The following ACYP2 variants were observed in gnomAD, a reference collection of about 807,000 sequenced individuals.
ACYP2 encodes the protein acylphosphatase-2.
ACYP2 carries 12 observed loss-of-function variants against 11.2 expected under a neutral mutation model. That is an observed-to-expected ratio of 1.08 (90% confidence interval 0.69 to 1.74). The LOEUF is 1.74. Ranked by LOEUF, ACYP2 falls within the 40% of genes most tolerant of loss-of-function variation. The pLI, the probability that ACYP2 is intolerant of heterozygous loss-of-function variation, is 0.00. For missense variants in ACYP2, 134 were observed against 101.9 expected (o/e 1.31, Z -1.35); for synonymous variants, 43 against 32.2 (o/e 1.33, Z -1.13).
intron 2 of ACYP2, among the ~76,000 whole-genome samples, chr2:54,030,925 A>C (rs1486565009): frequency 6.6e-6 from 1 of 152,182 alleles, no homozygotes; most frequent in Non-Finnish European, 1.5e-5. Flanking sequence ...TTCATTATGA[A>C]GGTCAGATCT....
chr2:54,026,752 T>C (rs547326485), intron 2 of ACYP2, among the ~76,000 whole-genome samples: 25 of 152,318 alleles, frequency 1.6e-4, no homozygotes, highest in Admixed American at 4.6e-4. Flanking sequence ...TAATGGCATT[T>C]GCAGCAACCT....
chr2:54,201,668 TTCTTTCTTTCTTTCTCTCTCTCTCTCTC>T (rs1684828492), intron 6 of ACYP2, among the ~76,000 whole-genome samples: 1 of 109,918 alleles, frequency 9.1e-6, no homozygotes, highest in African/African-American at 3.5e-5. Context: ...CTTTCTTTCT[TTCTTTCTTTCTTTCTCTCTCTCTCTCTC>T]TCTTTTTTCT....
intron 2 of ACYP2, among the ~76,000 whole-genome samples, chr2:54,038,226 T>C (rs1230283520): frequency 6.6e-6 from 1 of 152,210 alleles, no homozygotes; most frequent in Non-Finnish European, 1.5e-5. Flanking sequence ...CCCTTATTTT[T>C]GGCCTGGTAG....
Position 54,261,087 on chromosome 2 carries a change from A to G in ACYP2, c.405-43601A>G, listed in dbSNP as rs536104967. Among the ~76,000 whole-genome samples, 11 of 152,308 alleles carry G rather than the reference A, an allele frequency of 7.2e-5. No individual in the cohort carries two copies. The South Asian group carries it at 2.3e-3, about 32-fold the overall frequency. On this transcript the variant is annotated intron_variant, in intron 6 of 6. Transcript: ENST00000607452. ...TCTTAATGTCACAGACCCTGGTATTATACATCTCCCCAAGGGTACACATAC... is the reference window on the plus strand; with the variant it reads ...TCTTAATGTCACAGACCCTGGTATTGTACATCTCCCCAAGGGTACACATAC...
chr2:54,061,545 G>T (rs960409747), intron 4 of ACYP2, among the ~76,000 whole-genome samples: 1 of 152,152 alleles, frequency 6.6e-6, no homozygotes, highest in African/African-American at 2.4e-5. Flanking sequence ...ACCAGCCTGG[G>T]TCCTTTGTTG....
rs573137716 is a variant in ACYP2 at position 53,973,855 on chromosome 2, ATGTGTGTGTGTGTGTGTGTGTG to A, written c.62+71_62+92del. 2.7e-4 allele frequency: 33 copies of A among 124,442 alleles called. 1 individual carries two copies. Among genetic ancestry groups the A allele is most frequent in the East Asian group, 6.9e-4 (4 of 5,806 alleles). The allele number at this position is 124,442 out of a possible 1,614,324, so 7.7% of individuals were successfully genotyped here. A position where few individuals can be genotyped will look rare whatever the true frequency, so the allele number is the denominator to read the frequency against. ...GGATTTTTGAATGTGGGATATATAT[ATGTGTGTGTGTGTGTGTGTGTG>A]TGTGTGTGTGTGTGTGTGTGTGTGT... On this transcript the variant is annotated intron_variant, in intron 2 of 6. Coordinates refer to ENST00000607452, the MANE Select transcript of ACYP2 (RefSeq NM_001320586.2).
intron 4 of ACYP2, among the ~76,000 whole-genome samples, chr2:54,118,703 C>T (rs746340797): frequency 7.9e-5 from 12 of 152,240 alleles, no homozygotes; most frequent in Non-Finnish European, 1.3e-4. Flanking sequence ...AAAAGAGAAA[C>T]GTACTATACA....
At chr2:54,213,360 T>A (rs1197996360) in intron 6 of ACYP2, among the ~76,000 whole-genome samples, 1 of 152,180 alleles carries the variant, frequency 6.6e-6, no homozygotes, top group Non-Finnish European at 1.5e-5. Context: ...TCTAGATGGA[T>A]TCCATGTCTT....
intron 6 of ACYP2, among the ~76,000 whole-genome samples, chr2:54,220,043 G>C (rs1685739035): frequency 6.6e-6 from 1 of 151,010 alleles, no homozygotes; most frequent in South Asian, 2.1e-4. Flanking sequence ...GCCTGGCCAA[G>C]TTCAAAACAC....
chr2:54,117,472 T>A (rs574692500), intron 4 of ACYP2, among the ~76,000 whole-genome samples: 2,173 of 152,178 alleles, frequency 0.014, 44 homozygotes, highest in African/African-American at 0.047. Context: ...TTTTTAAAAT[T>A]TTTTTGTAGA....
At chr2:54,141,414 C>T (rs1411010235) in intron 6 of ACYP2, among the ~76,000 whole-genome samples, 4 of 152,082 alleles carry the variant, frequency 2.6e-5, no homozygotes, top group African/African-American at 9.7e-5. Context: ...GCATTTACTC[C>T]ATCTGGAATT....
intron 2 of ACYP2, among the ~76,000 whole-genome samples, chr2:53,976,171 T>C (rs1671475127): frequency 6.6e-6 from 1 of 152,232 alleles, no homozygotes; most frequent in Non-Finnish European, 1.5e-5. Flanking sequence ...GGGCTAGAGA[T>C]ATATTGGCAA....
chr2:54,152,212 G>A (rs1682213298), intron 6 of ACYP2, among the ~76,000 whole-genome samples: 1 of 149,456 alleles, frequency 6.7e-6, no homozygotes, highest in South Asian at 2.1e-4. Flanking sequence ...TGGACTCCTG[G>A]GCTCAAGTGA....
intron 6 of ACYP2, among the ~76,000 whole-genome samples, chr2:54,170,235 C>T (rs1683167451): frequency 6.6e-6 from 1 of 152,178 alleles, no homozygotes; most frequent in Non-Finnish European, 1.5e-5. Flanking sequence ...TCACTGCAAC[C>T]TCCACCTCTT....
chr2:54,271,313 T>G (rs960448604), intron 6 of ACYP2, among the ~76,000 whole-genome samples: 16 of 152,232 alleles, frequency 1.1e-4, no homozygotes, highest in African/African-American at 3.9e-4. Context: ...TCAGTACTCA[T>G]GTGGCCAGAG....
intron 2 of ACYP2, among the ~76,000 whole-genome samples, chr2:54,027,543 G>C (rs1344153864): frequency 6.6e-6 from 1 of 152,078 alleles, no homozygotes. Flanking sequence ...GTTTCTGAAA[G>C]CTCTCATGTC....
intron 6 of ACYP2, among the ~76,000 whole-genome samples, chr2:54,268,760 G>T (rs2104071862): frequency 6.6e-6 from 1 of 152,184 alleles, no homozygotes; most frequent in Admixed American, 6.5e-5. Context: ...AGTGAGCCGT[G>T]TTGGCAGCAC....
At chr2:54,074,914 C>T (rs1445646165) in intron 4 of ACYP2, among the ~76,000 whole-genome samples, 7 of 152,152 alleles carry the variant, frequency 4.6e-5, no homozygotes, top group East Asian at 1.9e-4. Flanking sequence ...TGATGTAAGT[C>T]GTAATCTCAC....
intron 2 of ACYP2, among the ~76,000 whole-genome samples, chr2:53,988,561 T>C (rs10195124): frequency 0.026 from 3,886 of 151,906 alleles, 154 homozygotes; most frequent in African/African-American, 0.09. Context: ...CCACCATGCC[T>C]GGCTATATAT....
Sources: allele counts gnomAD v4.1 joint callset (sites outside exome capture counted in the v4.1 genomes callset), GRCh38; gene constraint gnomAD v4.1.1; transcripts MANE v1.5; gene names NCBI Gene and HGNC (gene_info 2026-07-23, HGNC 2026-07-21).